The following GRID2 variants were observed in gnomAD, a reference collection of about 807,000 sequenced individuals.
The protein encoded by GRID2 is glutamate receptor ionotropic, delta-2.
A neutral mutation model predicts 114.8 loss-of-function variants in GRID2; 33 were observed. That is an observed-to-expected ratio of 0.29 (90% CI 0.22 to 0.38). The LOEUF is 0.38. GRID2 is among the 10% of genes least tolerant of loss of function. The pLI, the probability that GRID2 is intolerant of heterozygous loss-of-function variation, is 1.00. For synonymous variants in GRID2, 505 were observed against 449.9 expected, an observed-to-expected ratio of 1.12 and a Z score of -1.55; for missense variants, 1,184 against 1,257.7, an observed-to-expected ratio of 0.94 and a Z score of 0.89.
intron 2 of GRID2, among the ~76,000 whole-genome samples, chr4:93,027,084 T>G (rs1723950107): frequency 6.6e-6 from 1 of 152,112 alleles, no homozygotes; most frequent in Admixed American, 6.6e-5. Flanking sequence ...ACCATTTTTT[T>G]GTTTGTTTTA....
chr4:93,056,405 G>A (rs925926273), intron 2 of GRID2, among the ~76,000 whole-genome samples: 3 of 151,768 alleles, frequency 2.0e-5, no homozygotes, highest in Non-Finnish European at 2.9e-5. Flanking sequence ...ATCAGCCACT[G>A]CGTGATTGAA....
At chr4:93,436,572 A>G (rs1334956701) in intron 10 of GRID2, among the ~76,000 whole-genome samples, 2 of 152,188 alleles carry the variant, frequency 1.3e-5, no homozygotes, top group Non-Finnish European at 2.9e-5. Flanking sequence ...AACAGGAAAA[A>G]CAAAAGATAT....
intron 2 of GRID2, chr4:92,823,167 G>T (rs1477061731): frequency 6.6e-6 from 1 of 152,162 alleles, no homozygotes; most frequent in African/African-American, 2.4e-5. Context: ...TGGTTGAATT[G>T]TTTGCCCTTT....
chr4:92,389,772 C>T (rs1180803511), intron 1 of GRID2, among the ~76,000 whole-genome samples: 3 of 151,856 alleles, frequency 2.0e-5, no homozygotes, highest in Non-Finnish European at 4.4e-5. Context: ...CTCAGATAAC[C>T]CTGTGTTATG....
At chr4:93,052,100 A>T (rs1489331367) in intron 2 of GRID2, among the ~76,000 whole-genome samples, 1 of 152,048 alleles carries the variant, frequency 6.6e-6, no homozygotes, top group African/African-American at 2.4e-5. Context: ...TAAACAGATT[A>T]TGAATATTTC....
chr4:93,060,460 AT>A, intron 2 of GRID2, among the ~76,000 whole-genome samples: 1 of 152,236 alleles, frequency 6.6e-6, no homozygotes, highest in South Asian at 2.1e-4. Flanking sequence ...TTGGAATGAT[AT>A]GTTTTTCCAA....
intron 14 of GRID2, among the ~76,000 whole-genome samples, chr4:93,652,120 G>T (rs188481502): frequency 0.011 from 1,706 of 151,656 alleles, 40 homozygotes; most frequent in African/African-American, 0.04. Context: ...TGAATACAGG[G>T]TCTTAAAATG....
chr4:93,377,512 A>G (rs1409587763), intron 8 of GRID2, among the ~76,000 whole-genome samples: 1 of 152,032 alleles, frequency 6.6e-6, no homozygotes, highest in African/African-American at 2.4e-5. Flanking sequence ...TTAAACTTTG[A>G]TGCCACCCAC....
chr4:92,842,183 G>T (rs1017770699), intron 2 of GRID2, among the ~76,000 whole-genome samples: 18 of 152,104 alleles, frequency 1.2e-4, no homozygotes, highest in Non-Finnish European at 2.9e-5. Flanking sequence ...ATGCATTAGG[G>T]TTTTGGTGCT....
intron 1 of GRID2, among the ~76,000 whole-genome samples, chr4:92,547,860 G>A (rs1045891911): frequency 1.3e-5 from 2 of 151,974 alleles, no homozygotes; most frequent in African/African-American, 2.4e-5. Context: ...CAAAAAGAAA[G>A]GAGAATATTG....
At chr4:93,728,732 A>G (rs984890475) in intron 14 of GRID2, among the ~76,000 whole-genome samples, 9 of 152,058 alleles carry the variant, frequency 5.9e-5, no homozygotes, top group African/African-American at 2.2e-4. Context: ...TCCCTTTACC[A>G]TTATGTAATG....
intron 2 of GRID2, among the ~76,000 whole-genome samples, chr4:92,890,817 T>C (rs1746723259): frequency 6.6e-6 from 1 of 152,202 alleles, no homozygotes; most frequent in Admixed American, 6.5e-5. Context: ...TGCACACGTA[T>C]GTTTACTGCA....
intron 8 of GRID2, among the ~76,000 whole-genome samples, chr4:93,247,917 G>A (rs748550821): frequency 7.9e-5 from 12 of 152,022 alleles, no homozygotes; most frequent in Non-Finnish European, 1.2e-4. Flanking sequence ...TAAAGAGACC[G>A]AGATAGTCTG....
intron 13 of GRID2, among the ~76,000 whole-genome samples, chr4:93,520,086 C>A (rs1462295819): frequency 6.6e-6 from 1 of 152,132 alleles, no homozygotes; most frequent in Non-Finnish European, 1.5e-5. Flanking sequence ...ACCCTAAGAA[C>A]TAGTGAGTAA....
chr4:92,397,338 TTGTATG>T (rs1329453614), intron 1 of GRID2, among the ~76,000 whole-genome samples: 140 of 124,276 alleles, frequency 1.1e-3, no homozygotes, highest in African/African-American at 4.5e-3. Context: ...CTCTGTGTGT[TTGTATG>T]TGTGTGTGTG....
chr4:93,615,846 CT>C, intron 13 of GRID2, among the ~76,000 whole-genome samples: 1 of 151,870 alleles, frequency 6.6e-6, no homozygotes, highest in South Asian at 2.1e-4. Context: ...TCAGTTCATC[CT>C]TTTTTATACT....
chr4:92,542,854 T>A (rs1726048184), intron 1 of GRID2, among the ~76,000 whole-genome samples: 1 of 152,122 alleles, frequency 6.6e-6, no homozygotes, highest in South Asian at 2.1e-4. Context: ...AAGGTAATAA[T>A]TGATTATAGT....
At chr4:93,162,791 G>A (rs1345225843) in intron 4 of GRID2, among the ~76,000 whole-genome samples, 1 of 151,762 alleles carries the variant, frequency 6.6e-6, no homozygotes, top group East Asian at 1.9e-4. Context: ...GAAATATGAG[G>A]AGTTCCATCT....
rs191021580 is a variant in GRID2, at chr4:92,721,577, C to G, written c.244+131291C>G. Among the ~76,000 whole-genome samples the G allele has an allele frequency of 5.3e-5, 8 of 152,116 alleles. No individual in the cohort carries two copies. In the East Asian group the frequency reaches 1.2e-3, roughly 22 times the overall value. On this transcript the variant is annotated intron_variant, in intron 2 of 15. Coordinates refer to ENST00000282020, the MANE Select transcript of GRID2 (RefSeq NM_001510.4). ...AGAGAAAAGTACTAAAAAGACAGTA[C>G]TTTTCAAACCATCTAAATCAACTAT...
Sources: allele counts gnomAD v4.1 joint callset (sites outside exome capture counted in the v4.1 genomes callset), GRCh38; gene constraint gnomAD v4.1.1; transcripts MANE v1.5; gene names NCBI Gene and HGNC (gene_info 2026-07-23, HGNC 2026-07-21).